Variants in FLI1 observed in about 807,000 individuals in gnomAD.
The protein encoded by FLI1 is Friend leukemia integration 1 transcription factor.
In FLI1, 13 loss-of-function variants were observed where a neutral mutation model predicts 53.1. That is an observed-to-expected ratio of 0.24 (90% confidence interval 0.16 to 0.39). The LOEUF (loss-of-function observed/expected upper bound fraction) is 0.39, where lower values mean the gene tolerates loss of function less well. FLI1 is among the 10% of genes least tolerant of loss of function. The pLI, the probability that FLI1 is intolerant of heterozygous loss-of-function variation, is 1.00. For synonymous variants in FLI1, 244 were observed against 236.7 expected, an observed-to-expected ratio of 1.03 and a Z score of -0.28; for missense variants, 424 against 600.5, an observed-to-expected ratio of 0.71 and a Z score of 3.07.
intron 2 of FLI1, 62 bp from the exon 3 acceptor site, chr11:128,768,056 G>C (rs1162615722): frequency 1.4e-6 from 2 of 1,474,998 alleles, no homozygotes; most frequent in African/African-American, 2.8e-5. Flanking sequence ...ATGATTCAGA[G>C]GCTGAGGCAA....
At chr11:128,723,242 G>A (rs919945044) in intron 1 of FLI1, among the ~76,000 whole-genome samples, 5 of 152,140 alleles carry the variant, frequency 3.3e-5, no homozygotes, top group African/African-American at 1.2e-4. Context: ...TGGCACCATG[G>A]CACAATTAAA....
chr11:128,730,382 C>T (rs1939646149), intron 1 of FLI1, among the ~76,000 whole-genome samples: 1 of 152,198 alleles, frequency 6.6e-6, no homozygotes, highest in East Asian at 1.9e-4. Flanking sequence ...TCATCCTATT[C>T]ATTTCTGTGC....
At chr11:128,808,853 C>G (rs1046512873) in intron 7 of FLI1, among the ~76,000 whole-genome samples, 3 of 152,156 alleles carry the variant, frequency 2.0e-5, no homozygotes, top group Non-Finnish European at 4.4e-5. Context: ...TTATCCAGTT[C>G]CTTTCCAAAT....
intron 5 of FLI1, among the ~76,000 whole-genome samples, chr11:128,790,617 C>T (rs1047077033): frequency 6.6e-6 from 1 of 152,196 alleles, no homozygotes; most frequent in African/African-American, 2.4e-5. Context: ...GTGACTAGGA[C>T]ACACTTTCCT....
chr11:128,686,438 C>T (rs1395521247), upstream of FLI1: 4 of 456,180 alleles, frequency 8.8e-6, no homozygotes, highest in South Asian at 1.5e-5. Flanking sequence ...TGGCCTGAAG[C>T]CCGGGGACGG....
chr11:128,703,771 A>G (rs1365551179), intron 1 of FLI1, among the ~76,000 whole-genome samples: 2 of 134,452 alleles, frequency 1.5e-5, no homozygotes, highest in African/African-American at 5.5e-5. Flanking sequence ...TGAACCCAGG[A>G]GGCAGAAGTT....
chr11:128,749,961 T>A (rs1367513161), intron 1 of FLI1, among the ~76,000 whole-genome samples: 1 of 152,232 alleles, frequency 6.6e-6, no homozygotes, highest in Non-Finnish European at 1.5e-5. Context: ...TCACCCCCAC[T>A]GCTGCAGAGC....
At chr11:128,700,004 G>A (rs564638093) in intron 1 of FLI1, among the ~76,000 whole-genome samples, 2 of 152,344 alleles carry the variant, frequency 1.3e-5, no homozygotes, top group South Asian at 2.1e-4. Context: ...GCTCTGCCAG[G>A]AGATCTAGCG....
chr11:128,775,791 A>G (rs1353650106), intron 4 of FLI1, among the ~76,000 whole-genome samples: 3 of 152,156 alleles, frequency 2.0e-5, no homozygotes, highest in Non-Finnish European at 4.4e-5. Flanking sequence ...TTGTCCTTTC[A>G]TTGGAGAGGA....
Position 128,761,441 on chromosome 11 carries a change from G to A in FLI1, c.230+3115G>A, listed in dbSNP as rs528834381. Among the ~76,000 whole-genome samples the A allele has an allele frequency of 1.2e-4, 18 of 152,298 alleles. No individual in the cohort carries two copies. The South Asian group carries it at 1.2e-3, about 11-fold the overall frequency. On this transcript the variant is annotated intron_variant, in intron 2 of 8. Transcript: ENST00000527786. Reference sequence around the variant, plus strand: ...AACGGTAGGTGCTCAATAAATTGTCGTCAAATAAATAACTGAGAACACATG... The same window carrying A: ...AACGGTAGGTGCTCAATAAATTGTCATCAAATAAATAACTGAGAACACATG...
At chr11:128,797,093 T>C (rs1359081796) in intron 5 of FLI1, among the ~76,000 whole-genome samples, 1 of 152,272 alleles carries the variant, frequency 6.6e-6, no homozygotes, top group East Asian at 1.9e-4. Flanking sequence ...ATTTCAGACA[T>C]AGGTCAAAAG....
chr11:128,742,154 C>T (rs1476787500), intron 1 of FLI1, among the ~76,000 whole-genome samples: 2 of 152,126 alleles, frequency 1.3e-5, no homozygotes, highest in African/African-American at 4.8e-5. Context: ...ATGCATATTC[C>T]CATAATAATC....
At chr11:128,802,799 A>C (rs1942671672) in intron 5 of FLI1, among the ~76,000 whole-genome samples, 1 of 152,258 alleles carries the variant, frequency 6.6e-6, no homozygotes, top group Admixed American at 6.5e-5. Context: ...ACTCAGAGCT[A>C]CAGGAAAATC....
intron 1 of FLI1, among the ~76,000 whole-genome samples, chr11:128,741,530 G>T (rs1009078908): frequency 6.6e-6 from 1 of 152,236 alleles, no homozygotes; most frequent in Admixed American, 6.5e-5. Flanking sequence ...GAGGACTCCA[G>T]ATCTAATGGG....
At chr11:128,693,980 GAGAGAGAGAGAGAT>G (rs1290481904), upstream of FLI1, 21 of 312,750 alleles carry the variant, frequency 6.7e-5, no homozygotes, top group South Asian at 2.4e-4. Flanking sequence ...GAGAGAGAGA[GAGAGAGAGAGAGAT>G]AGGACTTCCT....
intron 1 of FLI1, among the ~76,000 whole-genome samples, chr11:128,713,441 A>C (rs1938871463): frequency 6.6e-6 from 1 of 152,198 alleles, no homozygotes; most frequent in Non-Finnish European, 1.5e-5. Flanking sequence ...TCTGTGAACA[A>C]AGTGAGTGAG....
At chr11:128,711,668 G>A (rs553735426) in intron 1 of FLI1, among the ~76,000 whole-genome samples, 5 of 152,232 alleles carry the variant, frequency 3.3e-5, no homozygotes, top group East Asian at 1.9e-4. Context: ...ACATAATGGC[G>A]ATTTCAGTTT....
At chr11:128,788,480 C>CA (rs1182596223) in intron 5 of FLI1, among the ~76,000 whole-genome samples, 1 of 151,162 alleles carries the variant, frequency 6.6e-6, no homozygotes, top group Non-Finnish European at 1.5e-5. Flanking sequence ...AAAAACAAAG[C>CA]AAAAAAACAA....
chr11:128,708,269 G>A (rs907374714), intron 1 of FLI1, among the ~76,000 whole-genome samples: 1 of 152,200 alleles, frequency 6.6e-6, no homozygotes, highest in Non-Finnish European at 1.5e-5. Context: ...CAGTTGAGTG[G>A]TCAGTCTCAT....
Sources: allele counts gnomAD v4.1 joint callset (sites outside exome capture counted in the v4.1 genomes callset), GRCh38; gene constraint gnomAD v4.1.1; transcripts MANE v1.5; gene names NCBI Gene and HGNC (gene_info 2026-07-23, HGNC 2026-07-21).